Variants in MAST3 observed in about 807,000 individuals in gnomAD.
MAST3 encodes the protein microtubule associated serine/threonine kinase 3.
MAST3 carries 43 observed loss-of-function variants against 127.0 expected under a neutral mutation model. The observed-to-expected ratio is 0.34, with a 90% CI of 0.27 to 0.44. MAST3 has a LOEUF of 0.44. MAST3 is among the 20% of genes least tolerant of loss of function. MAST3 has a pLI of 1.00. For synonymous variants in MAST3, 785 were observed against 809.2 expected, an observed-to-expected ratio of 0.97 and a Z score of 0.51; for missense variants, 1,390 against 1,919.1, an observed-to-expected ratio of 0.72 and a Z score of 5.15.
At chr19:18,128,746 A>G in intron 12 of MAST3, 120 bp from the exon 13 acceptor site, 1 of 770,942 alleles carries the variant, frequency 1.3e-6, no homozygotes, top group East Asian at 2.5e-5. Context: ...TGAGTTGGAG[A>G]AGTTTGGACA....
At position 18,132,695 on chromosome 19, in the gene MAST3, G is replaced by A. The variant is rs754920121; in HGVS notation, c.1571+648G>A. ...ATTTTCTCCTCTGCATTTATTGAGCGCCTGCTGTGTGCAGGGAAAAAGGAA... is the reference window on the plus strand; with the variant it reads ...ATTTTCTCCTCTGCATTTATTGAGCACCTGCTGTGTGCAGGGAAAAAGGAA... On this transcript the variant is annotated intron_variant, in intron 15 of 27. Coordinates refer to ENST00000687212, the MANE Select transcript of MAST3 (RefSeq NM_001393504.1). 5.9e-5 allele frequency among the ~76,000 whole-genome samples: 9 copies of A among 152,306 alleles called. No homozygotes were observed. The Middle Eastern group carries it at 0.014, about 230-fold the overall frequency.
chr19:18,125,686 A>AG (rs930576453), intron 11 of MAST3, among the ~76,000 whole-genome samples: 4 of 148,014 alleles, frequency 2.7e-5, no homozygotes, highest in African/African-American at 1.0e-4. Context: ...GGTTGCAGTG[A>AG]GCCGAGATCA....
intron 3 of MAST3, among the ~76,000 whole-genome samples, chr19:18,117,540 G>A (rs1269077000): frequency 6.6e-6 from 1 of 152,154 alleles, no homozygotes; most frequent in African/African-American, 2.4e-5. Flanking sequence ...AGACATAGCC[G>A]GACAGACAGG....
chr19:18,123,279 G>C lies in MAST3; in HGVS notation c.462G>C (p.Leu154=), dbSNP rs775687004. ...QLPFQPTPDE[L]HFLSKHFRSS... is the part of the protein sequence containing the mutation. Reference sequence around the variant, plus strand: ...CCTTCCAGCCGACGCCGGACGAGCTGCACTTCCTGTCCAAGCACTTCCGCA... The same window carrying C: ...CCTTCCAGCCGACGCCGGACGAGCTCCACTTCCTGTCCAAGCACTTCCGCA... The change falls in exon 7 of 28, where the codon CTG becomes CTC. Residue 154 remains leucine, a synonymous_variant. Coordinates refer to ENST00000687212, the MANE Select transcript of MAST3 (RefSeq NM_001393504.1). The C allele has an allele frequency of 6.2e-7, 1 of 1,613,862 alleles. No individual in the cohort carries two copies. Among genetic ancestry groups the C allele is most frequent in the South Asian group, 1.1e-5 (1 of 91,076 alleles).
At chr19:18,115,527 C>T (rs1036565011) in intron 3 of MAST3, among the ~76,000 whole-genome samples, 2 of 152,050 alleles carry the variant, frequency 1.3e-5, no homozygotes, top group African/African-American at 4.8e-5. Flanking sequence ...AGAGAATCTG[C>T]ACCCCGCATG....
At chr19:18,104,893 G>C (rs2037945325) in intron 1 of MAST3, among the ~76,000 whole-genome samples, 1 of 152,170 alleles carries the variant, frequency 6.6e-6, no homozygotes, top group South Asian at 2.1e-4. Flanking sequence ...AATAGTAATG[G>C]CTGATCATGA....
At chr19:18,137,041 C>T (rs674844) in intron 18 of MAST3, among the ~76,000 whole-genome samples, 198 bp from the exon 19 acceptor site, 142,849 of 152,110 alleles carry the variant, frequency 0.94, 67,103 homozygotes, top group East Asian at 0.96. Flanking sequence ...AGACTGGTCT[C>T]GAACTCCTGA....
Position 18,149,306 on chromosome 19 carries a change from A to G in MAST3, c.3624A>G (p.Pro1208=), listed in dbSNP as rs778035412. Residue 1208 remains proline, a synonymous_variant, in exon 28 of 28, where the codon CCA becomes CCG. Coordinates refer to ENST00000687212, the MANE Select transcript of MAST3 (RefSeq NM_001393504.1). The surrounding 1 kb of genome is among the most constrained non-coding windows in gnomAD (Gnocchi z 5.9). ...SLHGLAAKLG[P]PRPKTGRRKS... is the part of the protein sequence containing the mutation. ...ACGGCCTGGCTGCCAAGCTTGGGCC[A>G]CCCCGCCCCAAGACTGGCCGCCGCA... 4 of 1,522,500 alleles carry G rather than the reference A, an allele frequency of 2.6e-6. No homozygotes were observed. The highest frequency in any genetic ancestry group is 1.4e-5 in the African/African-American group (1 of 69,288). 94.3% of individuals were successfully genotyped at this position (1,522,500 alleles called of 1,614,324 possible). A position where few individuals can be genotyped will look rare whatever the true frequency, so the allele number is the denominator to read the frequency against.
Position 18,144,923 on chromosome 19 carries a change from G to A in MAST3, c.2813-80G>A, listed in dbSNP as rs1178932120. 1.7e-5 allele frequency: 15 copies of A among 892,290 alleles called. No individual in the cohort carries two copies. Among genetic ancestry groups the A allele is most frequent in the East Asian group, 2.6e-5 (1 of 38,170 alleles). The allele number at this position is 892,290 out of a possible 1,614,324, so 55.3% of individuals were successfully genotyped here. On this transcript the variant is annotated intron_variant, in intron 23 of 27. Coordinates refer to ENST00000687212, the MANE Select transcript of MAST3 (RefSeq NM_001393504.1). This position sits in a 1 kb window ranked among gnomAD's most constrained non-coding sequence, Gnocchi z 4.0. The stretch of plus-strand genomic sequence containing the variant: ...TTGAAGCAACAGCAAAGTGGCCAGG[G>A]TGGTCGTTGTGGTGGGAAAGAGGGG...
intron 14 of MAST3, among the ~76,000 whole-genome samples, chr19:18,131,206 AGGAC>A (rs2041237569): frequency 6.6e-6 from 1 of 151,720 alleles, no homozygotes; most frequent in African/African-American, 2.4e-5. Flanking sequence ...GCTTGAGGTC[AGGAC>A]TTCGAGACCA....
intron 2 of MAST3, among the ~76,000 whole-genome samples, chr19:18,108,372 TTTG>T (rs1268762893): frequency 6.6e-6 from 1 of 151,424 alleles, no homozygotes; most frequent in Non-Finnish European, 1.5e-5. Flanking sequence ...TTTGTTTTGC[TTTG>T]TTTTCTTTTT....
Position 18,130,660 on chromosome 19 carries a change from G to C in MAST3, c.1390G>C (p.Glu464Gln), listed in dbSNP as rs550164561. Residue 464 changes from glutamate to glutamine, a missense_variant, in exon 14 of 28, where the codon GAG (glutamate) becomes CAG (glutamine). Transcript: ENST00000687212. ...TGTGGTCAGCATGTTCTGCTCCTTT[G>C]AGACCCGGCGCCACCTATGTATGGT... ...PFVVSMFCSF[E>Q]TRRHLCMVME... is the part of the protein sequence containing the mutation. 9 of 1,614,098 alleles carry C rather than the reference G, an allele frequency of 5.6e-6. No homozygotes were observed. The South Asian group carries it at 8.8e-5, about 16-fold the overall frequency.
At chr19:18,100,123 T>G (rs2037441228) in intron 1 of MAST3, among the ~76,000 whole-genome samples, 1 of 113,868 alleles carries the variant, frequency 8.8e-6, no homozygotes, top group African/African-American at 3.0e-5. Context: ...TCTCTCTCTC[T>G]CTCTCTTTTT....
intron 13 of MAST3, 43 bp from the exon 14 acceptor site, chr19:18,130,451 G>T (rs1188106249): frequency 1.3e-6 from 2 of 1,525,942 alleles, no homozygotes; most frequent in East Asian, 4.8e-5. Context: ...GCCTGCTGGG[G>T]CCTCGATCTC....
At chr19:18,107,484 A>G in intron 1 of MAST3, 103 bp from the exon 2 acceptor site, 1 of 1,161,696 alleles carries the variant, frequency 8.6e-7, no homozygotes, top group Non-Finnish European at 1.3e-6. Flanking sequence ...GGAAAGATGC[A>G]TTGGTTGGGG....
chr19:18,128,528 A>C (rs2040915677), intron 12 of MAST3, 70 bp downstream of exon 12: 2 of 1,470,918 alleles, frequency 1.4e-6, no homozygotes, highest in African/African-American at 2.8e-5. Flanking sequence ...ACCCGCAGAA[A>C]GGGCTGGGTT....
chr19:18,136,023 GAAA>G (rs2041861905), intron 18 of MAST3, among the ~76,000 whole-genome samples, 182 bp downstream of exon 18: 1 of 152,194 alleles, frequency 6.6e-6, no homozygotes, highest in Non-Finnish European at 1.5e-5. Context: ...CAAGACCTTG[GAAA>G]GAATAGAAAG....
intron 20 of MAST3, 107 bp from the exon 21 acceptor site, chr19:18,141,775 C>G: frequency 2.1e-6 from 2 of 955,148 alleles, no homozygotes; most frequent in Non-Finnish European, 2.8e-6. Context: ...AGGCTGGTCT[C>G]AAACTCCTGG....
chr19:18,135,065 G>T, intron 17 of MAST3, 83 bp downstream of exon 17: 2 of 1,483,090 alleles, frequency 1.3e-6, no homozygotes. Flanking sequence ...ATGTCAGGGA[G>T]AGAAGCAGGA....
Sources: gnomAD v4.1 joint callset for allele counts (sites outside exome capture counted in the v4.1 genomes callset) on GRCh38, gnomAD v4.1.1 for gene constraint, Gnocchi (gnomAD v3.1) non-coding constraint, MANE v1.5 for transcripts, NCBI Gene and HGNC (gene_info 2026-07-23, HGNC 2026-07-21) for gene names.